The following PDE1C variants were observed in gnomAD, a reference collection of about 807,000 sequenced individuals.
PDE1C encodes the protein phosphodiesterase 1C.
Under a neutral mutation model 93.1 loss-of-function variants are expected in PDE1C, and 62 were observed. The ratio of observed to expected loss-of-function variants is 0.67; its 90% CI spans 0.54 to 0.82. The LOEUF is 0.82. Among genes scored for constraint, PDE1C ranks in the 40% least tolerant of loss-of-function variants. The pLI, the probability that PDE1C is intolerant of heterozygous loss-of-function variation, is 0.00. For missense variants in PDE1C, 742 were observed against 884.6 expected (o/e 0.84, Z 2.04); for synonymous variants, 325 against 310.1 (o/e 1.05, Z -0.50).
Position 32,065,984 on chromosome 7 carries a change from A to T in PDE1C, c.101+4309T>A, listed in dbSNP as rs892105343. The stretch of plus-strand genomic sequence containing the variant: ...TCCAGGAGCTGACCCAGGGATTCCC[A>T]CTCCGTGTTTTCTGCTTCCTTTTGA... On this transcript the variant is annotated intron_variant, in intron 1 of 17. Transcript: ENST00000396191. 2.0e-5 allele frequency among the ~76,000 whole-genome samples: 3 copies of T among 152,176 alleles called. No individual in the cohort carries two copies. In the East Asian group the frequency reaches 5.8e-4, roughly 29 times the overall value.
At chr7:32,000,368 T>A (rs1246989761) in intron 2 of PDE1C, among the ~76,000 whole-genome samples, 3 of 152,062 alleles carry the variant, frequency 2.0e-5, no homozygotes, top group Admixed American at 6.5e-5. Context: ...TTCCTGATGC[T>A]ATAAGAGGGA....
At chr7:31,744,518 G>A in the PDE1C span, among the ~76,000 whole-genome samples, 1 of 152,118 alleles carries the variant, frequency 6.6e-6, no homozygotes. Flanking sequence ...TATCAGGTGC[G>A]ATCTGTTGCT....
intron 1 of PDE1C, among the ~76,000 whole-genome samples, chr7:32,403,821 C>G (rs1784999339): frequency 6.6e-6 from 1 of 152,140 alleles, no homozygotes; most frequent in Non-Finnish European, 1.5e-5. Context: ...TTAGTACCTG[C>G]AGCATTGGGA....
rs1431798067 is a variant in PDE1C at position 32,169,872 on chromosome 7, A to G, written c.221T>C (p.Val74Ala). ...CTCCTCTGGGGGTCGAGGGTCATGG[A>G]CAATTGTTGGCCTTGGCTTCTCCTT... The change falls in exon 3 of 19, where the codon GTC becomes GCC. Residue 74 changes from valine to alanine, a missense_variant. Coordinates refer to the PDE1C transcript ENST00000396193. 2.0e-5 allele frequency: 32 copies of G among 1,612,398 alleles called. No individual in the cohort carries two copies. In the Admixed American group the frequency reaches 5.2e-4, roughly 26 times the overall value.
At chr7:32,056,437 A>C (rs55765116) in intron 1 of PDE1C, among the ~76,000 whole-genome samples, 30 of 145,552 alleles carry the variant, frequency 2.1e-4, no homozygotes, top group Non-Finnish European at 4.3e-4. Context: ...TGTTTTTCTA[A>C]GGGGAGGCAT....
At chr7:32,173,365 G>A (rs1169465957) in intron 2 of PDE1C, among the ~76,000 whole-genome samples, 1 of 152,036 alleles carries the variant, frequency 6.6e-6, no homozygotes, top group Non-Finnish European at 1.5e-5. Context: ...CTGTTGAGGG[G>A]TGGGGTTTAG....
At chr7:32,395,350 A>C (rs1304026129) in intron 1 of PDE1C, among the ~76,000 whole-genome samples, 10 of 152,228 alleles carry the variant, frequency 6.6e-5, no homozygotes, top group African/African-American at 2.4e-4. Context: ...CTGAGTTTAC[A>C]GAGAAAAGTA....
intron 1 of PDE1C, among the ~76,000 whole-genome samples, chr7:32,344,764 C>G (rs1015503681): frequency 9.2e-5 from 14 of 152,136 alleles, no homozygotes; most frequent in Non-Finnish European, 1.9e-4. Context: ...GTCTGTCTTC[C>G]TCTCCAGGAA....
intron 3 of PDE1C, among the ~76,000 whole-genome samples, chr7:32,136,689 T>C (rs1800230071): frequency 6.6e-6 from 1 of 152,196 alleles, no homozygotes; most frequent in Non-Finnish European, 1.5e-5. Flanking sequence ...AAAACAGGCA[T>C]GTACCAATAA....
At chr7:31,950,330 A>G (rs1284705974) in intron 2 of PDE1C, among the ~76,000 whole-genome samples, 1 of 152,212 alleles carries the variant, frequency 6.6e-6, no homozygotes, top group East Asian at 1.9e-4. Flanking sequence ...CCAACAAGCA[A>G]TATAATCCTG....
intron 2 of PDE1C, among the ~76,000 whole-genome samples, chr7:31,929,060 T>C (rs1405692813): frequency 7.3e-5 from 11 of 150,824 alleles, no homozygotes; most frequent in Non-Finnish European, 1.2e-4. Context: ...CAAAGACACA[T>C]ATAGGCTCAA....
At chr7:32,206,606 A>G (rs545276468) in intron 2 of PDE1C, among the ~76,000 whole-genome samples, 2 of 152,314 alleles carry the variant, frequency 1.3e-5, no homozygotes, top group Admixed American at 1.3e-4. Flanking sequence ...AGGGGAGATC[A>G]GCTGTTCCCC....
intron 1 of PDE1C, among the ~76,000 whole-genome samples, chr7:32,055,417 C>G (rs1397809111): frequency 2.0e-5 from 3 of 152,110 alleles, no homozygotes; most frequent in Non-Finnish European, 4.4e-5. Context: ...AAGTGAGTCT[C>G]AGAGAGGTTA....
chr7:31,834,861 G>A (rs1790860347), intron 11 of PDE1C, among the ~76,000 whole-genome samples: 1 of 152,022 alleles, frequency 6.6e-6, no homozygotes, highest in African/African-American at 2.4e-5. Flanking sequence ...AGGGGTCAGG[G>A]TGGAATGACA....
intron 2 of PDE1C, among the ~76,000 whole-genome samples, chr7:32,188,951 G>C (rs16875762): frequency 0.12 from 17,847 of 152,180 alleles, 1,199 homozygotes; most frequent in South Asian, 0.18. Context: ...CAAACAGCTA[G>C]TTATCACAAT....
chr7:32,325,118 A>G (rs905942463), intron 1 of PDE1C, among the ~76,000 whole-genome samples: 2 of 152,164 alleles, frequency 1.3e-5, no homozygotes, highest in Non-Finnish European at 2.9e-5. Flanking sequence ...AAAGTTACCT[A>G]GAGATTTTAT....
chr7:31,823,228 G>C lies in PDE1C; in HGVS notation c.1427C>G (p.Ser476Ter), dbSNP rs1343018691. ...RRSSLNSISS[S>*]DAKRSGVKTS... ...CTTGACACCTGATCGCTTGGCATCT[G>C]ACGAGCTGATGCTATTCAAACTGGA... The change falls in exon 14 of 18, where the codon TCA (serine) becomes TGA (stop). Residue 476 changes from serine to a stop codon, truncating the protein, a stop_gained. Transcript: ENST00000396191. LOFTEE classifies it high-confidence loss of function. 1 of 1,610,228 alleles carries C rather than the reference G, an allele frequency of 6.2e-7. No homozygotes were observed. Among genetic ancestry groups the C allele is most frequent in the Non-Finnish European group, 8.5e-7 (1 of 1,178,644 alleles).
chr7:31,622,783 C>T, the PDE1C span, among the ~76,000 whole-genome samples: 2 of 151,966 alleles, frequency 1.3e-5, no homozygotes, highest in African/African-American at 4.8e-5. Flanking sequence ...GAAATAGAGA[C>T]ACAAAAAACC....
chr7:32,208,307 C>A (rs1350634764), intron 2 of PDE1C, among the ~76,000 whole-genome samples: 1 of 152,232 alleles, frequency 6.6e-6, no homozygotes, highest in African/African-American at 2.4e-5. Context: ...ATGGCACTGT[C>A]CACACTCAGA....
Sources: gnomAD v4.1 joint callset for allele counts (sites outside exome capture counted in the v4.1 genomes callset) on GRCh38, gnomAD v4.1.1 for gene constraint, MANE v1.5 for transcripts, NCBI Gene and HGNC (gene_info 2026-07-23, HGNC 2026-07-21) for gene names.